INF2: variants seen among roughly 807,000 people sequenced by gnomAD.
The protein encoded by INF2 is inverted formin-2.
A neutral mutation model predicts 123.5 loss-of-function variants in INF2; 43 were observed. That is an observed-to-expected ratio of 0.35 (90% CI 0.27 to 0.45). INF2 has a LOEUF of 0.45. Ranked by LOEUF, INF2 falls within the 20% of genes least tolerant of loss-of-function variation. The pLI is 1.00. For synonymous variants in INF2, 851 were observed against 745.0 expected (o/e 1.14, Z -2.32); for missense variants, 1,453 against 1,682.7 (o/e 0.86, Z 2.39).
In INF2 at chr14:104,719,037, C is replaced by T; in HGVS notation, c.*244C>T. Reference sequence around the variant, plus strand: ...GGACCGCCTGCACGTGCCAGCCTCCCACCTGCTTCCTAAAGGCAACCCTGG... The same window carrying T: ...GGACCGCCTGCACGTGCCAGCCTCCTACCTGCTTCCTAAAGGCAACCCTGG... On this transcript the variant is annotated 3_prime_UTR_variant, in exon 23 of 23. Coordinates refer to ENST00000392634, the MANE Select transcript of INF2 (RefSeq NM_022489.4). 1 of 931,136 alleles carries T rather than the reference C, an allele frequency of 1.1e-6. No individual in the cohort carries two copies. The highest frequency in any genetic ancestry group is 1.5e-6 in the Non-Finnish European group (1 of 658,828). The allele number at this position is 931,136 out of a possible 1,614,324, so 57.7% of individuals were successfully genotyped here.
chr14:104,694,826 G>A (rs1453199014), intron 1 of INF2, among the ~76,000 whole-genome samples: 1 of 152,178 alleles, frequency 6.6e-6, no homozygotes, highest in Non-Finnish European at 1.5e-5. Flanking sequence ...CATGGAGCCT[G>A]GCTCGTGGGC....
Position 104,703,593 on chromosome 14 carries a change from G to A in INF2, c.667+139G>A, listed in dbSNP as rs370643954. On this transcript the variant is annotated intron_variant, in intron 4 of 22. Coordinates refer to ENST00000392634, the MANE Select transcript of INF2 (RefSeq NM_022489.4). ...GGCCCCAGAGGAAGGCGCCATCTCGGGCCTGCCACCACCTGCCCCTTCAAT... is the reference window on the plus strand; with the variant it reads ...GGCCCCAGAGGAAGGCGCCATCTCGAGCCTGCCACCACCTGCCCCTTCAAT... The A allele has an allele frequency of 2.0e-5, 24 of 1,192,508 alleles. 1 individual carries two copies. In the African/African-American group the frequency reaches 3.3e-4, roughly 16 times the overall value. 73.9% of individuals were successfully genotyped at this position (1,192,508 alleles called of 1,614,324 possible). A position where few individuals can be genotyped will look rare whatever the true frequency, so the allele number is the denominator to read the frequency against.
rs767075044 is a variant in INF2, at chr14:104,714,681, C to T, written c.3519C>T (p.Asp1173=). 1.1e-5 allele frequency: 18 copies of T among 1,611,440 alleles called. No homozygotes were observed. The highest frequency in any genetic ancestry group is 1.7e-5 in the Admixed American group (1 of 59,960). ...PPAAGPGGDE[D]EDEEDTAPES... ...CAGCAGGCCCAGGTGGGGATGAGGA[C>T]GAGGACGAGGAGGACACGGCCCCAG... The change falls in exon 21 of 23, where the codon GAC becomes GAT. Residue 1173 remains aspartate (D), a synonymous_variant. Coordinates refer to ENST00000392634, the MANE Select transcript of INF2 (RefSeq NM_022489.4).
rs776591878 is a variant in INF2, at chr14:104,709,374, G to A, written c.2043G>A (p.Glu681=). The change falls in exon 11 of 23, where the codon GAG becomes GAA. Residue 681 remains glutamate (E), a synonymous_variant. Transcript: ENST00000392634. Reference sequence around the variant, plus strand: ...AACAACTCCTTAAGCTCCTTCCCGAGAAGCACGAGGTAAGAGGACCACCCC... The same window carrying A: ...AACAACTCCTTAAGCTCCTTCCCGAAAAGCACGAGGTAAGAGGACCACCCC... ...VLKQLLKLLP[E]KHEIENLRAF... is the part of the protein sequence containing the mutation. 34 of 1,612,410 alleles carry A rather than the reference G, an allele frequency of 2.1e-5. No individual in the cohort carries two copies. Among genetic ancestry groups the A allele is most frequent in the Middle Eastern group, 3.3e-4 (2 of 6,084 alleles).
chr14:104,681,877 C>A (rs1001466823), intron 1 of INF2, among the ~76,000 whole-genome samples: 1 of 152,070 alleles, frequency 6.6e-6, no homozygotes, highest in African/African-American at 2.4e-5. Context: ...GGGAGCCAGG[C>A]AGGGAGCCAG....
rs1182833692 is a variant in INF2, at chr14:104,684,337, C to T, written c.-104+2755C>T. 1 of 320,712 alleles carries T rather than the reference C, an allele frequency of 3.1e-6. No homozygotes were observed. Among genetic ancestry groups the T allele is most frequent in the Non-Finnish European group, 6.2e-6 (1 of 161,766 alleles). 19.9% of individuals were successfully genotyped at this position (320,712 alleles called of 1,614,324 possible). A position where few individuals can be genotyped will look rare whatever the true frequency, so the allele number is the denominator to read the frequency against. On this transcript the variant is annotated intron_variant, in intron 1 of 2. Coordinates refer to the INF2 transcript ENST00000674723. The surrounding 1 kb of genome is among the most constrained non-coding windows in gnomAD (Gnocchi z 5.0). ...GCTCAGTGAGGTGCCCGAAGGAGGC[C>T]CACCAGCTCTGCCAGCACCCGGCCT...
chr14:104,689,587 T>TCCAACCC, upstream of INF2: 2 of 851,066 alleles, frequency 2.3e-6, no homozygotes, highest in Non-Finnish European at 2.8e-6. Context: ...CACCTCCTCT[T>TCCAACCC]CCTCCCGCCC....
rs538498928 is a variant in INF2 at position 104,697,318 on chromosome 14, C to T, written c.-9-4039C>T. On this transcript the variant is annotated intron_variant, in intron 1 of 22. Transcript: ENST00000392634. ...GGGCTTCAGTGGCTGGCTCAGGTCC[C>T]TCGCGTGCTGGGATTCAAGTCTGGG... is the stretch of plus-strand genomic sequence containing the variant. Among the ~76,000 whole-genome samples, 595 of 152,340 alleles carry T rather than the reference C, an allele frequency of 3.9e-3. 3 individuals are homozygous for T. The highest frequency in any genetic ancestry group is 0.014 in the African/African-American group (579 of 41,572).
intron 10 of INF2, 58 bp from the exon 11 acceptor site, chr14:104,709,223 G>T: frequency 7.3e-7 from 1 of 1,371,246 alleles, no homozygotes. Flanking sequence ...TCCCAAAGAG[G>T]CTGGGTGGGG....
chr14:104,710,857 AAGCAGG>A (rs1200325905), intron 13 of INF2, 74 bp from the exon 14 acceptor site: 47 of 1,268,878 alleles, frequency 3.7e-5, no homozygotes, highest in South Asian at 6.5e-5. Context: ...GGGCACTGGC[AAGCAGG>A]ACCACACCCC....
chr14:104,711,802 C>T (rs1171171186), intron 16 of INF2, 103 bp downstream of exon 16: 19 of 1,076,392 alleles, frequency 1.8e-5, no homozygotes, highest in East Asian at 2.5e-5. Flanking sequence ...CTCACAGCTG[C>T]AGCGCAGCCC....
chr14:104,717,823 G>C (rs1288609582), intron 22 of INF2, among the ~76,000 whole-genome samples: 2 of 152,182 alleles, frequency 1.3e-5, no homozygotes, highest in East Asian at 3.9e-4. Context: ...GTGACCTGTG[G>C]AACCAACCGC....
At chr14:104,703,484 C>T in intron 4 of INF2, 30 bp downstream of exon 4, 1 of 1,607,266 alleles carries the variant, frequency 6.2e-7, no homozygotes, top group Non-Finnish European at 8.5e-7. Context: ...CGCATGCCCG[C>T]TCCTGCCCGC....
intron 1 of INF2, among the ~76,000 whole-genome samples, chr14:104,698,671 T>C (rs1298578600): frequency 6.6e-6 from 1 of 152,170 alleles, no homozygotes; most frequent in East Asian, 1.9e-4. Flanking sequence ...GGCCGTGGTG[T>C]GTTTGCAGGT....
intron 5 of INF2, chr14:104,704,290 A>C: frequency 2.4e-6 from 2 of 842,730 alleles, no homozygotes; most frequent in Non-Finnish European, 3.4e-6. Context: ...AGGGAACTAC[A>C]GGGTGGTTCA....
At chr14:104,710,067 C>G in intron 12 of INF2, 21 bp from the exon 13 acceptor site, 1 of 1,536,416 alleles carries the variant, frequency 6.5e-7, no homozygotes, top group African/African-American at 1.4e-5. Context: ...GGCCACTGAT[C>G]CCTGTCTGTG....
intron 1 of INF2, chr14:104,700,810 G>A (rs992090810): frequency 1.0e-6 from 1 of 984,372 alleles, no homozygotes. Flanking sequence ...CCTGGGAGTC[G>A]CCCCTCCTCC....
chr14:104,710,262 C>A, intron 13 of INF2, 74 bp downstream of exon 13: 2 of 1,075,356 alleles, frequency 1.9e-6, no homozygotes, highest in Non-Finnish European at 2.7e-6. Context: ...CTGCTCGGGG[C>A]CCCTGCTACT....
At chr14:104,717,051 C>T (rs965921219) in intron 22 of INF2, among the ~76,000 whole-genome samples, 2 of 152,042 alleles carry the variant, frequency 1.3e-5, no homozygotes, top group South Asian at 2.1e-4. Context: ...TCAGAATGAA[C>T]AACACCTTCT....
Sources: gnomAD v4.1 joint callset for allele counts (sites outside exome capture counted in the v4.1 genomes callset) on GRCh38, gnomAD v4.1.1 for gene constraint, Gnocchi (gnomAD v3.1) non-coding constraint, MANE v1.5 for transcripts, NCBI Gene and HGNC (gene_info 2026-07-23, HGNC 2026-07-21) for gene names.